Variants in GRID2 observed in about 807,000 individuals in gnomAD.
The protein encoded by GRID2 is glutamate receptor ionotropic, delta-2.
A neutral mutation model predicts 114.8 loss-of-function variants in GRID2; 33 were observed. That is an observed-to-expected ratio of 0.29 (90% CI 0.22 to 0.38). GRID2 has a LOEUF of 0.38. Among genes scored for constraint, GRID2 ranks in the 10% least tolerant of loss-of-function variants. The pLI is 1.00. For missense variants in GRID2, 1,184 were observed against 1,257.7 expected (o/e 0.94, Z 0.89); for synonymous variants, 505 against 449.9 (o/e 1.12, Z -1.55).
chr4:92,474,383 T>C (rs1278972229), intron 1 of GRID2, among the ~76,000 whole-genome samples: 1 of 152,110 alleles, frequency 6.6e-6, no homozygotes, highest in Non-Finnish European at 1.5e-5. Context: ...CACCTGATTG[T>C]ATATATATGA....
chr4:92,786,598 A>G (rs917157423), intron 2 of GRID2, among the ~76,000 whole-genome samples: 5 of 151,912 alleles, frequency 3.3e-5, no homozygotes, highest in Non-Finnish European at 5.9e-5. Flanking sequence ...AGATGCAATG[A>G]TAATAGGGCA....
intron 4 of GRID2, among the ~76,000 whole-genome samples, chr4:93,206,486 C>A (rs1742794074): frequency 1.3e-5 from 2 of 151,892 alleles, no homozygotes; most frequent in African/African-American, 4.8e-5. Flanking sequence ...AAAAGAGTCT[C>A]ACTTATTATA....
chr4:92,471,837 C>T (rs548145060), intron 1 of GRID2, among the ~76,000 whole-genome samples: 16 of 151,274 alleles, frequency 1.1e-4, no homozygotes, highest in Non-Finnish European at 2.2e-4. Flanking sequence ...TTTATACAGG[C>T]TTATATAAAC....
chr4:93,777,979 A>T (rs1734399367), downstream of GRID2, among the ~76,000 whole-genome samples: 1 of 152,224 alleles, frequency 6.6e-6, no homozygotes, highest in African/African-American at 2.4e-5. Context: ...AAACACACAT[A>T]GATACCTATA....
chr4:93,446,715 ACT>A (rs1339856192), intron 10 of GRID2, among the ~76,000 whole-genome samples: 1 of 151,832 alleles, frequency 6.6e-6, no homozygotes, highest in Non-Finnish European at 1.5e-5. Flanking sequence ...TTCTATGTAG[ACT>A]CTACTAATTT....
intron 10 of GRID2, among the ~76,000 whole-genome samples, chr4:93,442,830 T>C (rs1043581166): frequency 6.6e-6 from 1 of 152,026 alleles, no homozygotes; most frequent in African/African-American, 2.4e-5. Context: ...CCATTTCTAA[T>C]GGGTACCTCA....
At chr4:93,418,232 C>T (rs1279062462) in intron 9 of GRID2, among the ~76,000 whole-genome samples, 3 of 151,720 alleles carry the variant, frequency 2.0e-5, no homozygotes, top group African/African-American at 4.8e-5. Context: ...ATCAGACTAC[C>T]TCACTTTCTG....
intron 2 of GRID2, among the ~76,000 whole-genome samples, chr4:92,639,341 A>G (rs1242067322): frequency 6.6e-6 from 1 of 151,820 alleles, no homozygotes; most frequent in African/African-American, 2.4e-5. Flanking sequence ...TCATATATCT[A>G]ATATTTGCTA....
At chr4:92,656,984 A>G (rs1442172734) in intron 2 of GRID2, among the ~76,000 whole-genome samples, 2 of 151,672 alleles carry the variant, frequency 1.3e-5, no homozygotes, top group East Asian at 3.9e-4. Flanking sequence ...TTTTTTTTCT[A>G]TAAACCATTG....
At position 92,842,321 on chromosome 4, in the gene GRID2, G is replaced by A. The variant is rs150243164; in HGVS notation, c.245-242674G>A. Reference sequence around the variant, plus strand: ...AAAGCAGAGACGGCATGCCTGCAATGCTCACCATCTACTATAGGAGAGAAC... The same window carrying A: ...AAAGCAGAGACGGCATGCCTGCAATACTCACCATCTACTATAGGAGAGAAC... On this transcript the variant is annotated intron_variant, in intron 2 of 15. Coordinates refer to ENST00000282020, the MANE Select transcript of GRID2 (RefSeq NM_001510.4). Among the ~76,000 whole-genome samples, 415 of 152,200 alleles carry A rather than the reference G, an allele frequency of 2.7e-3. 1 individual carries two copies. Among genetic ancestry groups the A allele is most frequent in the African/African-American group, 9.7e-3 (403 of 41,550 alleles).
intron 2 of GRID2, among the ~76,000 whole-genome samples, chr4:92,906,170 A>G (rs928152499): frequency 5.3e-5 from 8 of 152,184 alleles, no homozygotes; most frequent in African/African-American, 1.7e-4. Context: ...TTTAGTGACA[A>G]TTTGATTATT....
intron 3 of GRID2, among the ~76,000 whole-genome samples, chr4:93,106,450 G>A (rs796432022): frequency 1.5e-4 from 23 of 152,220 alleles, no homozygotes; most frequent in Admixed American, 5.9e-4. Context: ...GGGTTCAAGC[G>A]ATTCTCCTGT....
At chr4:92,902,564 G>C (rs186365935) in intron 2 of GRID2, among the ~76,000 whole-genome samples, 3 of 151,860 alleles carry the variant, frequency 2.0e-5, no homozygotes, top group Non-Finnish European at 4.4e-5. Context: ...TAAATTCTTT[G>C]CCTAGGCCAA....
intron 2 of GRID2, among the ~76,000 whole-genome samples, chr4:93,048,514 A>T (rs185925677): frequency 6.6e-6 from 1 of 151,992 alleles, no homozygotes; most frequent in African/African-American, 2.4e-5. Flanking sequence ...TGAAAATCAC[A>T]GTTATTTGAC....
chr4:92,797,616 T>C (rs1321734575), intron 2 of GRID2, among the ~76,000 whole-genome samples: 4 of 152,054 alleles, frequency 2.6e-5, no homozygotes, highest in Admixed American at 2.6e-4. Context: ...TATATTTTTG[T>C]ATATTTTATG....
chr4:92,913,741 G>A (rs937645203), intron 2 of GRID2, among the ~76,000 whole-genome samples: 6 of 151,430 alleles, frequency 4.0e-5, no homozygotes, highest in East Asian at 2.0e-4. Flanking sequence ...AAAATTGTCT[G>A]TATGTTAACA....
At chr4:93,552,610 T>C (rs1413458653) in intron 13 of GRID2, among the ~76,000 whole-genome samples, 1 of 152,174 alleles carries the variant, frequency 6.6e-6, no homozygotes, top group Non-Finnish European at 1.5e-5. Context: ...TGGTTTTTAT[T>C]TGCATTTCTC....
chr4:92,851,771 A>G (rs541337105), intron 2 of GRID2, among the ~76,000 whole-genome samples: 25 of 152,064 alleles, frequency 1.6e-4, no homozygotes, highest in African/African-American at 5.8e-4. Context: ...AGTACATAAT[A>G]TTGCCTAGTG....
chr4:93,067,800 G>A (rs1728440830), intron 2 of GRID2, among the ~76,000 whole-genome samples: 1 of 151,976 alleles, frequency 6.6e-6, no homozygotes, highest in Admixed American at 6.6e-5. Flanking sequence ...CCTTTTTAAA[G>A]GACTTAAGAG....
Sources: gnomAD v4.1 joint callset for allele counts (sites outside exome capture counted in the v4.1 genomes callset) on GRCh38, gnomAD v4.1.1 for gene constraint, MANE v1.5 for transcripts, NCBI Gene and HGNC (gene_info 2026-07-23, HGNC 2026-07-21) for gene names.